The following PIK3C2G variants were observed in gnomAD, a reference collection of about 807,000 sequenced individuals.
PIK3C2G encodes the protein phosphatidylinositol-4-phosphate 3-kinase catalytic subunit type 2 gamma.
Under a neutral mutation model 181.1 loss-of-function variants are expected in PIK3C2G, and 168 were observed. That is an observed-to-expected ratio of 0.93 (90% CI 0.82 to 1.05). The LOEUF (loss-of-function observed/expected upper bound fraction) is 1.05. PIK3C2G is among the 50% of genes least tolerant of loss of function. The pLI is 0.00. For synonymous variants in PIK3C2G, 573 were observed against 592.2 expected (o/e 0.97, Z 0.47); for missense variants, 1,869 against 1,732.8 (o/e 1.08, Z -1.40).
chr12:18,650,319 C>A (rs868164056), downstream of PIK3C2G, among the ~76,000 whole-genome samples: 42 of 96,770 alleles, frequency 4.3e-4, no homozygotes, highest in East Asian at 4.9e-4. Flanking sequence ...CTCTCTCTCT[C>A]TCTCTCTCTC....
chr12:18,644,135 G>C (rs544168037), intron 32 of PIK3C2G, among the ~76,000 whole-genome samples: 101 of 152,224 alleles, frequency 6.6e-4, no homozygotes, highest in Non-Finnish European at 1.0e-3. Flanking sequence ...GGCCAAGCTT[G>C]TCTATTTGAC....
At chr12:18,550,861 A>G (rs1400355221) in intron 26 of PIK3C2G, among the ~76,000 whole-genome samples, 1 of 152,076 alleles carries the variant, frequency 6.6e-6, no homozygotes, top group Non-Finnish European at 1.5e-5. Flanking sequence ...CCCTGGTCCT[A>G]ACTACAATAT....
intron 20 of PIK3C2G, among the ~76,000 whole-genome samples, chr12:18,492,442 A>C (rs1282533308): frequency 6.6e-6 from 1 of 152,198 alleles, no homozygotes; most frequent in Non-Finnish European, 1.5e-5. Flanking sequence ...CTCCCTGAAA[A>C]TTTTTTGATA....
intron 11 of PIK3C2G, among the ~76,000 whole-genome samples, chr12:18,350,080 A>G (rs908593448): frequency 6.6e-6 from 1 of 152,166 alleles, no homozygotes; most frequent in Non-Finnish European, 1.5e-5. Flanking sequence ...AGACCAGGAG[A>G]TATTCCAAGG....
the PIK3C2G span, among the ~76,000 whole-genome samples, chr12:18,677,740 GAAC>G: frequency 2.6e-5 from 4 of 152,064 alleles, no homozygotes; most frequent in Admixed American, 6.6e-5. Context: ...ATAAGGTTAA[GAAC>G]AACTGGTCTA....
rs111372651 is a variant in PIK3C2G, at chr12:18,416,167, T to A, written c.2316-4774T>A. Among the ~76,000 whole-genome samples, 1,281 of 152,012 alleles carry A rather than the reference T, an allele frequency of 8.4e-3. 6 individuals carry two copies. The highest frequency in any genetic ancestry group is 0.014 in the Non-Finnish European group (936 of 67,954). On this transcript the variant is annotated intron_variant, in intron 16 of 32. Transcript: ENST00000538779. Reference sequence around the variant, plus strand: ...GGCTGAGGCAGGAGAATCACTTGAATCTGGGAAGCAGAGGTTGCAGTGGGC... The same window carrying A: ...GGCTGAGGCAGGAGAATCACTTGAAACTGGGAAGCAGAGGTTGCAGTGGGC...
At chr12:18,701,855 C>G in the PIK3C2G span, 1 of 1,527,030 alleles carries the variant, frequency 6.5e-7, no homozygotes, top group South Asian at 1.2e-5. Context: ...AAGTGTTTCA[C>G]TATATTTCCA....
the PIK3C2G span, chr12:18,723,218 T>TTA: frequency 8.0e-6 from 9 of 1,126,904 alleles, no homozygotes; most frequent in Non-Finnish European, 8.9e-6. Context: ...TAACCACAAT[T>TTA]CATAAAAATA....
the PIK3C2G span, among the ~76,000 whole-genome samples, chr12:18,671,187 TA>T: frequency 1.5e-3 from 207 of 134,046 alleles, no homozygotes; most frequent in Middle Eastern, 3.9e-3. Flanking sequence ...AGACTCCATC[TA>T]AAAAAAAAAA....
At chr12:18,657,540 C>T in the PIK3C2G span, among the ~76,000 whole-genome samples, 104 of 152,170 alleles carry the variant, frequency 6.8e-4, 1 homozygote, top group Admixed American at 1.4e-3. Flanking sequence ...TTGTTGTTTT[C>T]GGCTCCAGTA....
At chr12:18,310,722 C>T (rs1950602148) in intron 5 of PIK3C2G, among the ~76,000 whole-genome samples, 1 of 151,428 alleles carries the variant, frequency 6.6e-6, no homozygotes, top group South Asian at 2.1e-4. Context: ...AAAGAAGAGA[C>T]TCAAAAATGG....
chr12:18,528,183 TCA>T (rs977917241), intron 24 of PIK3C2G, among the ~76,000 whole-genome samples: 18 of 152,150 alleles, frequency 1.2e-4, no homozygotes, highest in African/African-American at 4.3e-4. Flanking sequence ...CTCAATTAAC[TCA>T]TGGATATTAG....
intron 31 of PIK3C2G, among the ~76,000 whole-genome samples, chr12:18,630,863 A>T (rs563100591): frequency 1.7e-4 from 26 of 152,238 alleles, no homozygotes; most frequent in African/African-American, 6.3e-4. Flanking sequence ...AGTCCTCTAG[A>T]TGACATAAGG....
At chr12:18,253,273 TAAAA>T (rs35830620) in intron 1 of PIK3C2G, among the ~76,000 whole-genome samples, 63,690 of 151,438 alleles carry the variant, frequency 0.42, 13,940 homozygotes, top group East Asian at 0.75. Context: ...GTCGATAAAT[TAAAA>T]AAACTTATTT....
At chr12:18,596,187 T>C (rs1947350579) in intron 30 of PIK3C2G, among the ~76,000 whole-genome samples, 1 of 152,102 alleles carries the variant, frequency 6.6e-6, no homozygotes, top group Admixed American at 6.6e-5. Flanking sequence ...TTTGGTTTTT[T>C]CTCTCTTGTC....
At chr12:18,605,527 T>C (rs1200723754) in intron 30 of PIK3C2G, among the ~76,000 whole-genome samples, 1 of 152,162 alleles carries the variant, frequency 6.6e-6, no homozygotes, top group African/African-American at 2.4e-5. Context: ...CCCTAATTCA[T>C]TATATGAAGC....
chr12:18,333,157 T>G (rs2137553087), intron 8 of PIK3C2G, among the ~76,000 whole-genome samples: 1 of 152,330 alleles, frequency 6.6e-6, no homozygotes, highest in East Asian at 1.9e-4. Context: ...CAGTTTTCAC[T>G]GTGTAGTTTG....
chr12:18,348,236 A>G (rs1014546996), intron 11 of PIK3C2G, among the ~76,000 whole-genome samples: 1 of 151,904 alleles, frequency 6.6e-6, no homozygotes, highest in African/African-American at 2.4e-5. Context: ...TATGTGTGTA[A>G]ATGCAAAATG....
chr12:18,641,455 C>A (rs1445528749), intron 32 of PIK3C2G, among the ~76,000 whole-genome samples: 1 of 152,122 alleles, frequency 6.6e-6, no homozygotes, highest in Non-Finnish European at 1.5e-5. Context: ...ATTCCTGAAA[C>A]CTCCGTTTTG....
Sources: gnomAD v4.1 joint callset for allele counts (sites outside exome capture counted in the v4.1 genomes callset) on GRCh38, gnomAD v4.1.1 for gene constraint, MANE v1.5 for transcripts, NCBI Gene and HGNC (gene_info 2026-07-23, HGNC 2026-07-21) for gene names.